The following AGO3 variants were observed in gnomAD, a reference collection of about 807,000 sequenced individuals.
AGO3 encodes argonaute RISC catalytic component 3, also known as protein argonaute-3.
Under a neutral mutation model 105.5 loss-of-function variants are expected in AGO3, and 16 were observed. That is an observed-to-expected ratio of 0.15 (90% CI 0.10 to 0.23). The LOEUF (loss-of-function observed/expected upper bound fraction) is 0.23, where lower values mean the gene tolerates loss of function less well. Among genes scored for constraint, AGO3 ranks in the 10% least tolerant of loss-of-function variants. The probability of loss-of-function intolerance (pLI) is 1.00; values close to 1 mark genes in which losing one functional copy is unlikely to be tolerated. For missense variants in AGO3, 534 were observed against 1,088.0 expected (o/e 0.49, Z 7.16); for synonymous variants, 340 against 367.3 (o/e 0.93, Z 0.85).
chr1:36,021,863 A>C (rs986276464), intron 11 of AGO3, among the ~76,000 whole-genome samples: 3 of 152,000 alleles, frequency 2.0e-5, no homozygotes, highest in Admixed American at 6.6e-5. Context: ...TACAGAATCT[A>C]TCTCTCCTTC....
intron 9 of AGO3, 170 bp from the exon 10 acceptor site, chr1:36,013,459 AC>A: frequency 1.2e-6 from 1 of 807,144 alleles, no homozygotes; most frequent in African/African-American, 1.7e-5. Flanking sequence ...TCCATTCATG[AC>A]CCATGGTCCC....
Position 36,058,197 on chromosome 1 carries a change from C to A in AGO3, c.*2452C>A, listed in dbSNP as rs996381425. ...GCAAGATGATATTTTAAAACTTTTG[C>A]TAATGTATCACCAGTATAACTTTCC... On this transcript the variant is annotated 3_prime_UTR_variant, in exon 19 of 19. Coordinates refer to ENST00000373191, the MANE Select transcript of AGO3 (RefSeq NM_024852.4). The A allele has an allele frequency of 1.3e-5, 2 of 152,100 alleles. No homozygotes were observed. Among genetic ancestry groups the A allele is most frequent in the African/African-American group, 4.8e-5 (2 of 41,428 alleles). 9.4% of individuals were successfully genotyped at this position (152,100 alleles called of 1,614,324 possible).
intron 2 of AGO3, among the ~76,000 whole-genome samples, chr1:35,952,661 A>G (rs1571423642): frequency 6.6e-6 from 1 of 152,200 alleles, no homozygotes; most frequent in African/African-American, 2.4e-5. Flanking sequence ...ATACACAAAT[A>G]CCACTGTATT....
At chr1:35,980,786 A>AT (rs1647038142) in intron 5 of AGO3, among the ~76,000 whole-genome samples, 1 of 152,184 alleles carries the variant, frequency 6.6e-6, no homozygotes, top group Non-Finnish European at 1.5e-5. Flanking sequence ...ATACCAAATA[A>AT]TTTAGAAATT....
intron 5 of AGO3, among the ~76,000 whole-genome samples, chr1:35,994,828 G>A (rs900572442): frequency 2.0e-5 from 3 of 152,072 alleles, no homozygotes; most frequent in Non-Finnish European, 2.9e-5. Context: ...AAGCTACAAA[G>A]CATTACTAAG....
chr1:35,996,886 T>G (rs190499124), intron 5 of AGO3, among the ~76,000 whole-genome samples: 16 of 152,124 alleles, frequency 1.1e-4, no homozygotes, highest in African/African-American at 3.9e-4. Context: ...CCATACGTAC[T>G]AGATTGACTA....
In AGO3 at chr1:35,966,940, G is replaced by A; in HGVS notation, c.192-15G>A. On this transcript the variant is annotated splice_polypyrimidine_tract_variant and intron_variant, in intron 2 of 18. Coordinates refer to ENST00000373191, the MANE Select transcript of AGO3 (RefSeq NM_024852.4). ...TTACAGAGGATTATGTGAATATATT[G>A]TTTCCCTTCTTTAGGGAGGTGGTTG... 2.5e-6 allele frequency: 4 copies of A among 1,598,614 alleles called. No homozygotes were observed. Among genetic ancestry groups the A allele is most frequent in the Non-Finnish European group, 3.4e-6 (4 of 1,175,058 alleles).
Position 35,931,343 on chromosome 1 carries a change from C to G in AGO3, c.-84C>G. 1 of 1,301,866 alleles carries G rather than the reference C, an allele frequency of 7.7e-7. No homozygotes were observed. Among genetic ancestry groups the G allele is most frequent in the Non-Finnish European group, 1.0e-6 (1 of 999,490 alleles). The allele number at this position is 1,301,866 out of a possible 1,614,324, so 80.6% of individuals were successfully genotyped here. On this transcript the variant is annotated 5_prime_UTR_variant, in exon 1 of 19. Coordinates refer to ENST00000373191, the MANE Select transcript of AGO3 (RefSeq NM_024852.4). ...GGCCGAGTGAGAGTGCCCGTCGCGT[C>G]GCGCCGCGTCGCCCCCCGGGCCGCC...
At chr1:35,933,382 C>A (rs1053041204) in intron 1 of AGO3, among the ~76,000 whole-genome samples, 11 of 151,990 alleles carry the variant, frequency 7.2e-5, no homozygotes, top group African/African-American at 2.7e-4. Flanking sequence ...GTGGTTCATG[C>A]CTGTAATCTC....
rs184393694 is a variant in AGO3 at position 36,053,566 on chromosome 1, C to T, written c.2275-1380C>T. Among the ~76,000 whole-genome samples the T allele has an allele frequency of 6.9e-3, 1,054 of 151,926 alleles. 10 individuals are homozygous for T. Among genetic ancestry groups the T allele is most frequent in the African/African-American group, 0.024 (1,003 of 41,438 alleles). On this transcript the variant is annotated intron_variant, in intron 17 of 18. Coordinates refer to ENST00000373191, the MANE Select transcript of AGO3 (RefSeq NM_024852.4). Reference sequence around the variant, plus strand: ...CTGGGATTACAGGTGTGAGCCACCACACCCAGCCTATTTTTGTTTTATTAT... The same window carrying T: ...CTGGGATTACAGGTGTGAGCCACCATACCCAGCCTATTTTTGTTTTATTAT...
chr1:36,033,121 C>T (rs561162161), intron 12 of AGO3, among the ~76,000 whole-genome samples: 95 of 150,104 alleles, frequency 6.3e-4, no homozygotes, highest in South Asian at 1.1e-3. Context: ...GCAACAAGAG[C>T]GAAACTCTTA....
chr1:35,930,832 C>A (rs1646025490), upstream of AGO3: 1 of 186,856 alleles, frequency 5.4e-6, no homozygotes, highest in Admixed American at 6.2e-5. Context: ...CCGCCGCCAG[C>A]CGCGACGTCG....
chr1:35,979,189 C>A (rs935378971), intron 5 of AGO3, among the ~76,000 whole-genome samples: 42 of 152,094 alleles, frequency 2.8e-4, no homozygotes, highest in African/African-American at 8.9e-4. Flanking sequence ...ACGGTGAAAC[C>A]CCATCTCTAC....
In AGO3 at chr1:35,945,679, T is replaced by C; in HGVS notation, c.20-13T>C. 6.2e-7 allele frequency: 1 copy of C among 1,607,138 alleles called. No individual in the cohort carries two copies. The highest frequency in any genetic ancestry group is 8.5e-7 in the Non-Finnish European group (1 of 1,178,294). ...GTAACTGTGACTCTTTTTTTTTCCC[T>C]TTCCCCTGGCAGGACCCGCTGGGGC... On this transcript the variant is annotated splice_polypyrimidine_tract_variant and intron_variant, in intron 1 of 18. Transcript: ENST00000373191.
intron 12 of AGO3, among the ~76,000 whole-genome samples, chr1:36,030,393 C>T (rs928194361): frequency 2.6e-5 from 4 of 151,508 alleles, no homozygotes; most frequent in African/African-American, 9.7e-5. Flanking sequence ...GTCCTAGCTA[C>T]TTGGGAGGCT....
At position 36,016,461 on chromosome 1, in the gene AGO3, C is replaced by T. The variant is rs147960446; in HGVS notation, c.1406+2413C>T. Among the ~76,000 whole-genome samples, 841 of 152,250 alleles carry T rather than the reference C, an allele frequency of 5.5e-3. 7 individuals carry two copies. The highest frequency in any genetic ancestry group is 0.01 in the Admixed American group (159 of 15,274). Reference sequence around the variant, plus strand: ...CTTCCCAAAGTGCTGGGATTACAGGCGTGAGCCACTGCGCCTGGCCTAGGT... The same window carrying T: ...CTTCCCAAAGTGCTGGGATTACAGGTGTGAGCCACTGCGCCTGGCCTAGGT... On this transcript the variant is annotated intron_variant, in intron 11 of 18. Transcript: ENST00000373191.
Position 36,063,772 on chromosome 1 carries a change from T to C in AGO3, c.*8027T>C, listed in dbSNP as rs1324881838. 1 of 152,236 alleles carries C rather than the reference T, an allele frequency of 6.6e-6. No individual in the cohort carries two copies. Among genetic ancestry groups the C allele is most frequent in the East Asian group, 1.9e-4 (1 of 5,196 alleles). 9.4% of individuals were successfully genotyped at this position (152,236 alleles called of 1,614,324 possible). On this transcript the variant is annotated 3_prime_UTR_variant, in exon 19 of 19. Coordinates refer to ENST00000373191, the MANE Select transcript of AGO3 (RefSeq NM_024852.4). ...ATTATATATAGACAGTCCAGTTTCCTAGTGAATAGGTCAAGATTATTTGTT... is the reference window on the plus strand; with the variant it reads ...ATTATATATAGACAGTCCAGTTTCCCAGTGAATAGGTCAAGATTATTTGTT...
At chr1:35,963,121 C>A (rs1195897607) in intron 2 of AGO3, among the ~76,000 whole-genome samples, 1 of 152,188 alleles carries the variant, frequency 6.6e-6, no homozygotes, top group Non-Finnish European at 1.5e-5. Flanking sequence ...TTTGACCTAA[C>A]AGTCTGTTTC....
chr1:36,051,912 A>G (rs1209666237), intron 17 of AGO3, among the ~76,000 whole-genome samples: 1 of 152,232 alleles, frequency 6.6e-6, no homozygotes, highest in Non-Finnish European at 1.5e-5. Context: ...TAATATAGTC[A>G]TTATCAAAAA....
Sources: allele counts gnomAD v4.1 joint callset (sites outside exome capture counted in the v4.1 genomes callset), GRCh38; gene constraint gnomAD v4.1.1; transcripts MANE v1.5; gene names NCBI Gene and HGNC (gene_info 2026-07-23, HGNC 2026-07-21).